The following CAPZB variants were observed in gnomAD, a reference collection of about 807,000 sequenced individuals.
The protein encoded by CAPZB is capping actin protein of muscle Z-line subunit beta, also known as F-actin-capping protein subunit beta.
In CAPZB, 2 loss-of-function variants were observed where a neutral mutation model predicts 38.1. That is an observed-to-expected ratio of 0.05 (90% CI 0.02 to 0.17). CAPZB has a LOEUF of 0.17. CAPZB is among the 10% of genes least tolerant of loss of function. The pLI is 1.00. For missense variants in CAPZB, 161 were observed against 334.2 expected (o/e 0.48, Z 4.04); for synonymous variants, 107 against 127.4 (o/e 0.84, Z 1.08).
chr1:19,446,615 T>C (rs973751595), intron 1 of CAPZB, among the ~76,000 whole-genome samples: 11 of 116,994 alleles, frequency 9.4e-5, no homozygotes, highest in Admixed American at 1.7e-4. Context: ...CTCTACCCAC[T>C]GCTCCACGGC....
intron 2 of CAPZB, among the ~76,000 whole-genome samples, chr1:19,413,345 TAAAAAC>T (rs1453388216): frequency 6.6e-6 from 1 of 152,180 alleles, no homozygotes; most frequent in African/African-American, 2.4e-5. Context: ...GGCAAAAACT[TAAAAAC>T]AAAACAGGGT....
chr1:19,384,446 A>G (rs2094193517), intron 3 of CAPZB, among the ~76,000 whole-genome samples: 1 of 152,230 alleles, frequency 6.6e-6, no homozygotes, highest in Admixed American at 6.5e-5. Flanking sequence ...TTTCTTCAGG[A>G]AGCATTCTGT....
At chr1:19,457,844 G>A (rs1558280373) in intron 1 of CAPZB, among the ~76,000 whole-genome samples, 1 of 151,790 alleles carries the variant, frequency 6.6e-6, no homozygotes, top group African/African-American at 2.4e-5. Context: ...CTGTGACATC[G>A]CTTATAAGGA....
chr1:19,456,789 C>A (rs994557063), intron 1 of CAPZB, among the ~76,000 whole-genome samples: 4 of 152,202 alleles, frequency 2.6e-5, no homozygotes, highest in African/African-American at 9.7e-5. Context: ...CTAACAAAAA[C>A]CCAATAATGT....
intron 1 of CAPZB, among the ~76,000 whole-genome samples, chr1:19,426,275 T>C (rs1409251623): frequency 1.3e-5 from 2 of 152,292 alleles, no homozygotes; most frequent in Middle Eastern, 3.4e-3. Flanking sequence ...CACTTTTCTG[T>C]GAAGGTTTTG....
chr1:19,352,698 C>T (rs969233124), intron 6 of CAPZB, among the ~76,000 whole-genome samples: 1 of 152,262 alleles, frequency 6.6e-6, no homozygotes, highest in Non-Finnish European at 1.5e-5. Flanking sequence ...ACCTTCACTC[C>T]GACAGCCTCA....
At chr1:19,436,870 C>T (rs2094459803) in intron 1 of CAPZB, among the ~76,000 whole-genome samples, 2 of 152,242 alleles carry the variant, frequency 1.3e-5, no homozygotes, top group Admixed American at 6.5e-5. Context: ...GCCTCGCTGG[C>T]CTTCTGCCAA....
rs185902090 is a variant in CAPZB, at chr1:19,484,281, G to C, written c.3+1155C>G. 97 of 1,611,230 alleles carry C rather than the reference G, an allele frequency of 6.0e-5. No homozygotes were observed. The African/African-American group carries it at 1.2e-3, about 20-fold the overall frequency. ...GAGGCTGCGCCTGCTTGGGTGCATC[G>C]TGTCCAGGCCATATGCTGGATCCAG... On this transcript the variant is annotated intron_variant, in intron 1 of 8. Coordinates refer to ENST00000264202, the MANE Select transcript of CAPZB (RefSeq NM_004930.5).
chr1:19,366,676 G>A (rs997425442), intron 4 of CAPZB, among the ~76,000 whole-genome samples: 1 of 150,794 alleles, frequency 6.6e-6, no homozygotes, highest in Non-Finnish European at 1.5e-5. Context: ...CAAAAAGAGC[G>A]AGACTCCATC....
intron 8 of CAPZB, among the ~76,000 whole-genome samples, chr1:19,340,740 A>G (rs945178879): frequency 6.6e-6 from 1 of 152,182 alleles, no homozygotes; most frequent in African/African-American, 2.4e-5. Flanking sequence ...ACAGATGAGG[A>G]AACTGAGGCT....
intron 1 of CAPZB, among the ~76,000 whole-genome samples, chr1:19,446,083 C>T (rs993179035): frequency 6.6e-6 from 1 of 152,136 alleles, no homozygotes; most frequent in Non-Finnish European, 1.5e-5. Context: ...GCAGGGTCAG[C>T]GAGGTCAGTT....
chr1:19,391,535 T>G (rs2100264459), intron 2 of CAPZB, among the ~76,000 whole-genome samples: 1 of 152,316 alleles, frequency 6.6e-6, no homozygotes, highest in African/African-American at 2.4e-5. Context: ...GACAATTTGT[T>G]CCTTTTATTT....
At chr1:19,461,893 T>A (rs1349855180) in intron 1 of CAPZB, among the ~76,000 whole-genome samples, 1 of 152,344 alleles carries the variant, frequency 6.6e-6, no homozygotes, top group Admixed American at 6.5e-5. Context: ...TCATTACATT[T>A]AAGTGAGATG....
chr1:19,453,900 T>C (rs1558276840), intron 1 of CAPZB, among the ~76,000 whole-genome samples: 1 of 135,324 alleles, frequency 7.4e-6, no homozygotes, highest in Non-Finnish European at 1.6e-5. Flanking sequence ...TAGACATCCC[T>C]ACTGCCATTT....
intron 1 of CAPZB, among the ~76,000 whole-genome samples, chr1:19,462,781 C>A (rs981595780): frequency 1.3e-5 from 2 of 152,340 alleles, no homozygotes; most frequent in Non-Finnish European, 2.9e-5. Context: ...TTCATCAGCA[C>A]CCGCACTGTT....
chr1:19,484,735 G>C, intron 1 of CAPZB: 1 of 1,044,356 alleles, frequency 9.6e-7, no homozygotes, highest in Non-Finnish European at 1.2e-6. Context: ...GGACCGAGCG[G>C]GGCTGACGCA....
intron 2 of CAPZB, among the ~76,000 whole-genome samples, chr1:19,413,345 TA>T (rs1240082823): frequency 6.6e-6 from 1 of 152,180 alleles, no homozygotes; most frequent in Non-Finnish European, 1.5e-5. Context: ...GGCAAAAACT[TA>T]AAAACAAAAC....
intron 1 of CAPZB, among the ~76,000 whole-genome samples, chr1:19,469,206 G>A (rs1472357010): frequency 6.6e-6 from 1 of 152,196 alleles, no homozygotes; most frequent in African/African-American, 2.4e-5. Context: ...CAGGCAGGAG[G>A]GAACAGGCAG....
At chr1:19,473,789 A>G (rs1039508500) in intron 1 of CAPZB, among the ~76,000 whole-genome samples, 1 of 152,188 alleles carries the variant, frequency 6.6e-6, no homozygotes, top group Non-Finnish European at 1.5e-5. Flanking sequence ...ACTTGAACCC[A>G]GAAGGCGGAA....
Sources: gnomAD v4.1 joint callset for allele counts (sites outside exome capture counted in the v4.1 genomes callset) on GRCh38, gnomAD v4.1.1 for gene constraint, MANE v1.5 for transcripts, NCBI Gene and HGNC (gene_info 2026-07-23, HGNC 2026-07-21) for gene names.